THRB: variants seen among roughly 807,000 people sequenced by gnomAD.
THRB encodes the protein nuclear receptor subfamily 1 group A member 2.
In THRB, 12 loss-of-function variants were observed where a neutral mutation model predicts 47.8. That is an observed-to-expected ratio of 0.25 (90% CI 0.16 to 0.41). The LOEUF is 0.41. THRB is among the 10% of genes least tolerant of loss of function. The pLI is 1.00. For synonymous variants in THRB, 218 were observed against 212.2 expected (o/e 1.03, Z -0.24); for missense variants, 348 against 589.2 (o/e 0.59, Z 4.24).
At chr3:24,480,511 A>G (rs1361902081) in intron 1 of THRB, among the ~76,000 whole-genome samples, 1 of 152,158 alleles carries the variant, frequency 6.6e-6, no homozygotes, top group African/African-American at 2.4e-5. Flanking sequence ...GAGCACAAAC[A>G]TACTCCTTAT....
chr3:24,310,017 T>C (rs563140414), intron 2 of THRB, among the ~76,000 whole-genome samples: 1 of 152,200 alleles, frequency 6.6e-6, no homozygotes, highest in Non-Finnish European at 1.5e-5. Flanking sequence ...CCAAAGCTAC[T>C]GAGTACGGGG....
At chr3:24,419,032 C>A (rs2150265494) in intron 1 of THRB, among the ~76,000 whole-genome samples, 1 of 152,028 alleles carries the variant, frequency 6.6e-6, no homozygotes, top group Admixed American at 6.6e-5. Flanking sequence ...CATGGGCATT[C>A]TTGTCAGCTC....
intron 2 of THRB, among the ~76,000 whole-genome samples, chr3:24,317,517 C>G (rs2058202108): frequency 6.6e-6 from 1 of 152,078 alleles, no homozygotes; most frequent in African/African-American, 2.4e-5. Context: ...GATGCTAACA[C>G]CAAGAACATT....
chr3:24,425,474 A>T (rs896635461), intron 1 of THRB, among the ~76,000 whole-genome samples: 3 of 151,922 alleles, frequency 2.0e-5, no homozygotes, highest in Non-Finnish European at 4.4e-5. Context: ...TGCTCCTTAT[A>T]TATTAAGGAT....
intron 8 of THRB, among the ~76,000 whole-genome samples, chr3:24,138,213 T>G (rs990099575): frequency 6.6e-6 from 1 of 152,122 alleles, no homozygotes. Context: ...CTCTGACACA[T>G]GCAGAATGGA....
chr3:24,156,226 T>C (rs113516469), intron 5 of THRB, among the ~76,000 whole-genome samples: 244 of 152,352 alleles, frequency 1.6e-3, no homozygotes, highest in Middle Eastern at 6.8e-3. Context: ...ATGCAACAGG[T>C]AGTAAGCTTG....
chr3:24,406,573 T>C (rs1183967194), intron 1 of THRB, among the ~76,000 whole-genome samples: 1 of 150,964 alleles, frequency 6.6e-6, no homozygotes, highest in African/African-American at 2.4e-5. Flanking sequence ...GTTTGATTTA[T>C]AAGGGTTTGG....
intron 2 of THRB, among the ~76,000 whole-genome samples, chr3:24,330,484 G>A (rs1280620222): frequency 6.6e-6 from 1 of 152,162 alleles, no homozygotes; most frequent in African/African-American, 2.4e-5. Flanking sequence ...GCGGGTATTT[G>A]ATCCATCACC....
In THRB at chr3:24,119,235, A is replaced by T. The variant is rs1411831527; in HGVS notation, c.*3649T>A. On this transcript the variant is annotated 3_prime_UTR_variant, in exon 11 of 11. Coordinates refer to ENST00000646209, the MANE Select transcript of THRB (RefSeq NM_001354712.2). Reference sequence around the variant, plus strand: ...AGGAAAAATTACGAGCTTATTTTAGAACCTGATGCCATAGCCGTTGGAAAG... The same window carrying T: ...AGGAAAAATTACGAGCTTATTTTAGTACCTGATGCCATAGCCGTTGGAAAG... 1 of 152,452 alleles carries T rather than the reference A, an allele frequency of 6.6e-6. No individual in the cohort carries two copies. The highest frequency in any genetic ancestry group is 2.4e-5 in the African/African-American group (1 of 41,442). 9.4% of individuals were successfully genotyped at this position (152,452 alleles called of 1,614,324 possible).
intron 1 of THRB, among the ~76,000 whole-genome samples, chr3:24,445,951 A>G (rs2072031118): frequency 6.6e-6 from 1 of 152,222 alleles, no homozygotes; most frequent in Non-Finnish European, 1.5e-5. Context: ...TCAAGTGAAC[A>G]TAAGTAAGAT....
intron 3 of THRB, among the ~76,000 whole-genome samples, chr3:24,285,474 C>G (rs983520649): frequency 6.7e-6 from 1 of 149,338 alleles, no homozygotes; most frequent in African/African-American, 2.5e-5. Flanking sequence ...GGAGATATAC[C>G]TAATGCTAGA....
At chr3:24,335,369 A>G (rs1314064312) in intron 2 of THRB, among the ~76,000 whole-genome samples, 1 of 152,166 alleles carries the variant, frequency 6.6e-6, no homozygotes, top group Non-Finnish European at 1.5e-5. Flanking sequence ...GAACAGCATG[A>G]TTTTCAATCT....
intron 1 of THRB, among the ~76,000 whole-genome samples, chr3:24,361,707 T>G (rs776542687): frequency 4.6e-5 from 7 of 152,174 alleles, no homozygotes; most frequent in Non-Finnish European, 1.0e-4. Context: ...TAGTGGCTCC[T>G]TATGTATGGA....
At chr3:24,164,054 G>A (rs1021380904) in intron 5 of THRB, among the ~76,000 whole-genome samples, 10 of 152,030 alleles carry the variant, frequency 6.6e-5, no homozygotes, top group South Asian at 2.1e-4. Context: ...ATAGAAACTC[G>A]TAAATTTGGT....
intron 1 of THRB, among the ~76,000 whole-genome samples, chr3:24,407,073 T>A: frequency 6.6e-6 from 1 of 151,728 alleles, no homozygotes; most frequent in East Asian, 2.0e-4. Flanking sequence ...TAAACTGAAC[T>A]GAGAAAACAA....
At chr3:24,450,632 A>G (rs2072555023) in intron 1 of THRB, among the ~76,000 whole-genome samples, 1 of 152,230 alleles carries the variant, frequency 6.6e-6, no homozygotes, top group Admixed American at 6.5e-5. Context: ...GTAATAAAGA[A>G]CTTCATTCTG....
intron 10 of THRB, among the ~76,000 whole-genome samples, chr3:24,126,153 G>C (rs1194657003): frequency 6.6e-6 from 1 of 152,118 alleles, no homozygotes; most frequent in East Asian, 1.9e-4. Context: ...AGCACTTTAG[G>C]AGGCTGAGGT....
At chr3:24,382,244 C>T (rs2065768579) in intron 1 of THRB, among the ~76,000 whole-genome samples, 1 of 151,952 alleles carries the variant, frequency 6.6e-6, no homozygotes, top group South Asian at 2.1e-4. Flanking sequence ...ATTCTAAATA[C>T]AAAGCGTCAT....
At chr3:24,456,279 G>A (rs1048453082) in intron 1 of THRB, among the ~76,000 whole-genome samples, 13 of 151,742 alleles carry the variant, frequency 8.6e-5, no homozygotes, top group African/African-American at 3.1e-4. Flanking sequence ...AGGCTGCAGT[G>A]AGCCATGATA....
Sources: gnomAD v4.1 joint callset for allele counts (sites outside exome capture counted in the v4.1 genomes callset) on GRCh38, gnomAD v4.1.1 for gene constraint, MANE v1.5 for transcripts, NCBI Gene and HGNC (gene_info 2026-07-23, HGNC 2026-07-21) for gene names.